RAVER2: variants seen among roughly 807,000 people sequenced by gnomAD.
RAVER2 encodes the protein ribonucleoprotein, PTB binding 2.
In RAVER2, 46 loss-of-function variants were observed where a neutral mutation model predicts 78.1. The ratio of observed to expected loss-of-function variants is 0.59; its 90% CI spans 0.46 to 0.75. The LOEUF is 0.75. RAVER2 is among the 30% of genes least tolerant of loss of function. RAVER2 has a pLI of 0.00. For missense variants in RAVER2, 793 were observed against 837.5 expected (o/e 0.95, Z 0.66); for synonymous variants, 311 against 313.3 (o/e 0.99, Z 0.08).
At chr1:64,828,866 TTC>T (rs1408464159) in intron 11 of RAVER2, among the ~76,000 whole-genome samples, 1 of 152,214 alleles carries the variant, frequency 6.6e-6, no homozygotes, top group Non-Finnish European at 1.5e-5. Flanking sequence ...TCATTTGACT[TTC>T]TGTTTTTATA....
chr1:64,799,404 A>G (rs1189235384), intron 5 of RAVER2, among the ~76,000 whole-genome samples: 1 of 152,020 alleles, frequency 6.6e-6, no homozygotes, highest in Non-Finnish European at 1.5e-5. Flanking sequence ...TCTCTTCAAG[A>G]TATGGATTTC....
chr1:64,807,098 A>G (rs1653460166), intron 8 of RAVER2, 108 bp from the exon 9 acceptor site: 2 of 1,299,954 alleles, frequency 1.5e-6, no homozygotes, highest in South Asian at 3.2e-5. Flanking sequence ...TCTAACAGGT[A>G]CAAAATTGGT....
intron 1 of RAVER2, among the ~76,000 whole-genome samples, chr1:64,750,432 C>A (rs1651668429): frequency 6.6e-6 from 1 of 151,774 alleles, no homozygotes; most frequent in African/African-American, 2.4e-5. Flanking sequence ...TCTCAGCCAT[C>A]TGAGAAGTTG....
chr1:64,781,525 C>T (rs1453803552), exon 4 of RAVER2: 27 of 1,613,940 alleles, frequency 1.7e-5, no homozygotes, highest in East Asian at 1.1e-4. Context: ...GCTCCTGGAG[C>T]GCCAGGGCGA....
At chr1:64,820,293 T>G (rs1300052164) in intron 11 of RAVER2, among the ~76,000 whole-genome samples, 1 of 152,054 alleles carries the variant, frequency 6.6e-6, no homozygotes, top group Non-Finnish European at 1.5e-5. Flanking sequence ...CAAAAACAAC[T>G]AGGTCTAATA....
chr1:64,819,423 C>T (rs192897949), intron 11 of RAVER2, among the ~76,000 whole-genome samples: 1 of 151,858 alleles, frequency 6.6e-6, no homozygotes, highest in African/African-American at 2.4e-5. Flanking sequence ...GAAGACAACT[C>T]AATCTGAGGA....
At chr1:64,786,194 T>C (rs1194291089) in intron 4 of RAVER2, among the ~76,000 whole-genome samples, 1 of 152,172 alleles carries the variant, frequency 6.6e-6, no homozygotes, top group Non-Finnish European at 1.5e-5. Context: ...AAATGGAAGT[T>C]TTTAGAAGGT....
At chr1:64,828,158 C>G (rs1654042497) in intron 11 of RAVER2, among the ~76,000 whole-genome samples, 2 of 95,796 alleles carry the variant, frequency 2.1e-5, no homozygotes, top group East Asian at 3.6e-4. Flanking sequence ...TTCAAACCCA[C>G]CCCCCCCACC....
chr1:64,761,675 A>G (rs533607449), intron 1 of RAVER2, among the ~76,000 whole-genome samples: 1 of 152,332 alleles, frequency 6.6e-6, no homozygotes, highest in Non-Finnish European at 1.5e-5. Flanking sequence ...CTGCTATTCA[A>G]GACTGTATTG....
intron 11 of RAVER2, among the ~76,000 whole-genome samples, chr1:64,820,302 TAAA>T (rs894920324): frequency 6.6e-6 from 1 of 152,124 alleles, no homozygotes; most frequent in African/African-American, 2.4e-5. Context: ...CTAGGTCTAA[TAAA>T]AAACAAATAT....
chr1:64,780,988 G>T (rs1192003668), intron 3 of RAVER2, among the ~76,000 whole-genome samples: 1 of 152,056 alleles, frequency 6.6e-6, no homozygotes, highest in Non-Finnish European at 1.5e-5. Context: ...ATTGATGTGT[G>T]GTCAAATAAT....
chr1:64,809,487 CAAAA>C (rs1653542222), intron 9 of RAVER2, among the ~76,000 whole-genome samples: 1 of 97,372 alleles, frequency 1.0e-5, no homozygotes, highest in African/African-American at 3.8e-5. Flanking sequence ...ACCTCTAGTG[CAAAA>C]ATAAATAAAT....
chr1:64,753,747 C>T (rs1651770487), intron 1 of RAVER2, among the ~76,000 whole-genome samples: 1 of 152,062 alleles, frequency 6.6e-6, no homozygotes, highest in Non-Finnish European at 1.5e-5. Flanking sequence ...TGGTCTCAAA[C>T]TCCTGACCTT....
intron 1 of RAVER2, among the ~76,000 whole-genome samples, chr1:64,766,455 G>C (rs776461478): frequency 3.9e-5 from 6 of 152,150 alleles, no homozygotes; most frequent in Non-Finnish European, 2.9e-5. Context: ...AGGGCATGGA[G>C]AAAAATAATT....
intron 11 of RAVER2, among the ~76,000 whole-genome samples, chr1:64,824,023 T>A (rs986750195): frequency 4.6e-5 from 7 of 152,168 alleles, no homozygotes; most frequent in Admixed American, 4.6e-4. Flanking sequence ...ACCAGGCTGG[T>A]CTTGAACTCC....
chr1:64,762,501 A>G (rs1346819779), intron 1 of RAVER2, among the ~76,000 whole-genome samples: 1 of 152,148 alleles, frequency 6.6e-6, no homozygotes, highest in Non-Finnish European at 1.5e-5. Flanking sequence ...ACACTACCAG[A>G]TTTCAAAGCT....
At chr1:64,814,942 C>A in intron 11 of RAVER2, 102 bp downstream of exon 11, 1 of 1,049,590 alleles carries the variant, frequency 9.5e-7, no homozygotes, top group Non-Finnish European at 1.3e-6. Context: ...TTAACGTAGG[C>A]AAATCAAATT....
At chr1:64,827,285 G>A (rs12409004) in intron 11 of RAVER2, among the ~76,000 whole-genome samples, 1 of 152,114 alleles carries the variant, frequency 6.6e-6, no homozygotes. Context: ...TTGGAGCTTC[G>A]AGAAAAGAGA....
chr1:64,829,355 G>T (rs1654071851), intron 11 of RAVER2, among the ~76,000 whole-genome samples: 1 of 152,184 alleles, frequency 6.6e-6, no homozygotes, highest in African/African-American at 2.4e-5. Context: ...ATGGACTGAT[G>T]ACTTCTAAGA....
Sources: gnomAD v4.1 joint callset for allele counts (sites outside exome capture counted in the v4.1 genomes callset) on GRCh38, gnomAD v4.1.1 for gene constraint, MANE v1.5 for transcripts, NCBI Gene and HGNC (gene_info 2026-07-23, HGNC 2026-07-21) for gene names.